Variants in UFM1 observed in about 807,000 individuals in gnomAD.
UFM1 encodes the protein ubiquitin-fold modifier 1.
In UFM1, 9 loss-of-function variants were observed where a neutral mutation model predicts 15.4. The ratio of observed to expected loss-of-function variants is 0.59; its 90% CI spans 0.35 to 1.02. The LOEUF (loss-of-function observed/expected upper bound fraction) is 1.02, where lower values mean the gene tolerates loss of function less well. Among genes scored for constraint, UFM1 ranks in the 50% least tolerant of loss-of-function variants. The pLI, the probability that UFM1 is intolerant of heterozygous loss-of-function variation, is 0.02. For synonymous variants in UFM1, 27 were observed against 36.3 expected, an observed-to-expected ratio of 0.74 and a Z score of 0.92; for missense variants, 98 against 104.7, an observed-to-expected ratio of 0.94 and a Z score of 0.28.
At chr13:38,353,555 T>C (rs925385628) in intron 2 of UFM1, among the ~76,000 whole-genome samples, 1 of 152,056 alleles carries the variant, frequency 6.6e-6, no homozygotes, top group Non-Finnish European at 1.5e-5. Context: ...AAAAATATAT[T>C]TATTCATGAT....
chr13:38,351,275 C>T (rs915611733), intron 2 of UFM1, among the ~76,000 whole-genome samples: 1 of 152,170 alleles, frequency 6.6e-6, no homozygotes, highest in East Asian at 1.9e-4. Flanking sequence ...AGCTGACTGC[C>T]CCTGGAGAAA....
intron 2 of UFM1, among the ~76,000 whole-genome samples, chr13:38,352,102 C>CTTTTTTT (rs35879418): frequency 1.2e-4 from 13 of 105,336 alleles, no homozygotes; most frequent in South Asian, 3.0e-4. Flanking sequence ...TTCTTTCTTT[C>CTTTTTTT]TTTTTTTTTT....
intron 5 of UFM1, among the ~76,000 whole-genome samples, chr13:38,360,468 G>A (rs1031375057): frequency 4.0e-5 from 6 of 151,836 alleles, no homozygotes; most frequent in African/African-American, 1.2e-4. Context: ...ACAGTTACTT[G>A]ATGAAAGTAT....
rs1323195671 is a variant in UFM1, at chr13:38,349,988, C to T, written c.3-11C>T. 9 of 1,614,000 alleles carry T rather than the reference C, an allele frequency of 5.6e-6. No individual in the cohort carries two copies. The highest frequency in any genetic ancestry group is 7.6e-6 in the Non-Finnish European group (9 of 1,179,908). On this transcript the variant is annotated splice_polypyrimidine_tract_variant and intron_variant, in intron 1 of 5. Coordinates refer to ENST00000239878, the MANE Select transcript of UFM1 (RefSeq NM_016617.4). Reference sequence around the variant, plus strand: ...TGCCCGACCCTGACTCTCTCCCGCTCTTTTCCTCAGGTCGAAGGTTTCCTT... The same window carrying T: ...TGCCCGACCCTGACTCTCTCCCGCTTTTTTCCTCAGGTCGAAGGTTTCCTT...
intron 4 of UFM1, among the ~76,000 whole-genome samples, chr13:38,358,522 G>C (rs17057900): frequency 0.011 from 1,654 of 151,534 alleles, 28 homozygotes; most frequent in African/African-American, 0.031. Flanking sequence ...TTGTAGGCTT[G>C]CAATAATGAG....
Position 38,349,987 on chromosome 13 carries a change from T to C in UFM1, c.3-12T>C, listed in dbSNP as rs771551080. On this transcript the variant is annotated splice_polypyrimidine_tract_variant and intron_variant, in intron 1 of 5. Transcript: ENST00000239878. ...CTGCCCGACCCTGACTCTCTCCCGCTCTTTTCCTCAGGTCGAAGGTTTCCT... is the reference window on the plus strand; with the variant it reads ...CTGCCCGACCCTGACTCTCTCCCGCCCTTTTCCTCAGGTCGAAGGTTTCCT... 3 of 1,614,094 alleles carry C rather than the reference T, an allele frequency of 1.9e-6. No homozygotes were observed. Among genetic ancestry groups the C allele is most frequent in the Middle Eastern group, 1.6e-4 (1 of 6,062 alleles).
At position 38,350,395 on chromosome 13, in the gene UFM1, C is replaced by T. The variant is rs190964856; in HGVS notation, c.59+340C>T. 3.0e-3 allele frequency among the ~76,000 whole-genome samples: 454 copies of T among 152,338 alleles called. 1 individual carries two copies. The highest frequency in any genetic ancestry group is 9.1e-3 in the South Asian group (44 of 4,826). ...TTTGTTGGGATTCTTAAACAGTCCC[C>T]ATCTGCTGGATATTAGAAAAGCGTT... On this transcript the variant is annotated intron_variant, in intron 2 of 5. Transcript: ENST00000239878.
At chr13:38,358,188 A>G in intron 4 of UFM1, 56 bp downstream of exon 4, 2 of 1,141,060 alleles carry the variant, frequency 1.8e-6, no homozygotes, top group Non-Finnish European at 1.2e-6. Context: ...ATGGTGTAAA[A>G]GGAACCAAAT....
chr13:38,362,650 A>G lies in UFM1; in HGVS notation c.*1872A>G, dbSNP rs145570032. 3.3e-5 allele frequency: 5 copies of G among 152,120 alleles called. No individual in the cohort carries two copies. The East Asian group carries it at 7.7e-4, about 24-fold the overall frequency. 9.4% of individuals were successfully genotyped at this position (152,120 alleles called of 1,614,324 possible). The stretch of plus-strand genomic sequence containing the variant: ...ATGTTCAGAGGCCCCGTTTCTTACA[A>G]TAAATGTTGAGTCTTAGTTAAGCAG... On this transcript the variant is annotated 3_prime_UTR_variant, in exon 6 of 6. Transcript: ENST00000239878.
Position 38,360,771 on chromosome 13 carries a change from G to A in UFM1, c.251G>A (p.Ser84Asn). 6.2e-7 allele frequency: 1 copy of A among 1,607,556 alleles called. No homozygotes were observed. The highest frequency in any genetic ancestry group is 1.1e-5 in the South Asian group (1 of 90,352). The change falls in exon 6 of 6, where the codon AGT becomes AAT. Residue 84 changes from serine to asparagine, a missense_variant. Coordinates refer to ENST00000239878, the MANE Select transcript of UFM1 (RefSeq NM_016617.4). ...LRIIPRDRVG[S>N]C is the part of the protein sequence containing the mutation. ...ATTATTCCTAGAGATCGTGTTGGAA[G>A]TTGTTAATATCTGCTACTTGGAACA...
At chr13:38,350,251 C>T in intron 2 of UFM1, 196 bp downstream of exon 2, 2 of 1,578,768 alleles carry the variant, frequency 1.3e-6, no homozygotes, top group Non-Finnish European at 8.6e-7. Flanking sequence ...CGCTAAGTGT[C>T]AGCTTGGCAG....
At position 38,362,430 on chromosome 13, in the gene UFM1, G is replaced by C. The variant is rs756351195; in HGVS notation, c.*1652G>C. The stretch of plus-strand genomic sequence containing the variant: ...AGTATTTGCTGAGGTGAAAAAATCT[G>C]ATGTTTGAGGAAGTTTTTATTTTTA... On this transcript the variant is annotated 3_prime_UTR_variant, in exon 6 of 6. Transcript: ENST00000239878. The C allele has an allele frequency of 6.6e-6, 1 of 150,936 alleles. No individual in the cohort carries two copies. Among genetic ancestry groups the C allele is most frequent in the Non-Finnish European group, 1.5e-5 (1 of 67,824 alleles). 9.3% of individuals were successfully genotyped at this position (150,936 alleles called of 1,614,324 possible). A position where few individuals can be genotyped will look rare whatever the true frequency, so the allele number is the denominator to read the frequency against.
At position 38,360,897 on chromosome 13, in the gene UFM1, G is replaced by A. The variant is rs1879346144; in HGVS notation, c.*119G>A. On this transcript the variant is annotated 3_prime_UTR_variant, in exon 6 of 6. Coordinates refer to ENST00000239878, the MANE Select transcript of UFM1 (RefSeq NM_016617.4). ...AAAACACCAGGAGTCAATGATTAAT[G>A]AAAGGTGACTCATCTGTCCCTTTTT... 1.3e-6 allele frequency: 1 copy of A among 771,246 alleles called. No individual in the cohort carries two copies. The highest frequency in any genetic ancestry group is 2.2e-6 in the Non-Finnish European group (1 of 463,840). 47.8% of individuals were successfully genotyped at this position (771,246 alleles called of 1,614,324 possible).
At chr13:38,350,083 T>A (rs914385696) in intron 2 of UFM1, 28 bp downstream of exon 2, 4 of 1,614,208 alleles carry the variant, frequency 2.5e-6, no homozygotes, top group Non-Finnish European at 3.4e-6. Flanking sequence ...GATGGGCCTT[T>A]TGGGGCCGGA....
chr13:38,361,022 G>A lies in UFM1; in HGVS notation c.*244G>A. Reference sequence around the variant, plus strand: ...TTGATGCTACCTCACAACACAAACAGGTAGTTCGTTGGGGGCAAATGAATT... The same window carrying A: ...TTGATGCTACCTCACAACACAAACAAGTAGTTCGTTGGGGGCAAATGAATT... On this transcript the variant is annotated 3_prime_UTR_variant, in exon 6 of 6. Coordinates refer to ENST00000239878, the MANE Select transcript of UFM1 (RefSeq NM_016617.4). 6.0e-6 allele frequency: 2 copies of A among 336,078 alleles called. No individual in the cohort carries two copies. Among genetic ancestry groups the A allele is most frequent in the Non-Finnish European group, 1.1e-5 (2 of 185,826 alleles). The allele number at this position is 336,078 out of a possible 1,614,324, so 20.8% of individuals were successfully genotyped here. A position where few individuals can be genotyped will look rare whatever the true frequency, so the allele number is the denominator to read the frequency against.
chr13:38,352,132 C>G (rs1351258761), intron 2 of UFM1, among the ~76,000 whole-genome samples: 1 of 118,332 alleles, frequency 8.5e-6, no homozygotes, highest in Non-Finnish European at 1.6e-5. Context: ...GAAACAAAGT[C>G]TCGCTCTGTT....
chr13:38,358,126 A>G lies in UFM1; in HGVS notation c.151A>G (p.Thr51Ala). 2 of 1,455,334 alleles carry G rather than the reference A, an allele frequency of 1.4e-6. No homozygotes were observed. The highest frequency in any genetic ancestry group is 2.5e-5 in the East Asian group (1 of 39,918). The allele number at this position is 1,455,334 out of a possible 1,614,324, so 90.2% of individuals were successfully genotyped here. A position where few individuals can be genotyped will look rare whatever the true frequency, so the allele number is the denominator to read the frequency against. ...TCCTGCTGCAACAAGTGCAATTATTACCAATGGTAAGAATTCACTATAAAA... is the reference window on the plus strand; with the variant it reads ...TCCTGCTGCAACAAGTGCAATTATTGCCAATGGTAAGAATTCACTATAAAA... ...KVPAATSAII[T>A]NDGIGINPAQ... The change falls in exon 4 of 6, where the codon ACC (threonine) becomes GCC (alanine). Residue 51 changes from threonine to alanine, a missense_variant. Transcript: ENST00000239878.
intron 3 of UFM1, among the ~76,000 whole-genome samples, chr13:38,357,401 A>T (rs1191913996): frequency 6.6e-6 from 1 of 151,980 alleles, no homozygotes; most frequent in East Asian, 1.9e-4. Context: ...GTAAACATTG[A>T]TCTGGGCATA....
chr13:38,360,926 G>T lies in UFM1; in HGVS notation c.*148G>T. ...GGTGACTCATCTGTCCCTTTTTGTT[G>T]TCCATACTCTTCCTATGAAGAGGGA... On this transcript the variant is annotated 3_prime_UTR_variant, in exon 6 of 6. Coordinates refer to ENST00000239878, the MANE Select transcript of UFM1 (RefSeq NM_016617.4). 1.7e-6 allele frequency: 1 copy of T among 602,126 alleles called. No individual in the cohort carries two copies. 37.3% of individuals were successfully genotyped at this position (602,126 alleles called of 1,614,324 possible). A position where few individuals can be genotyped will look rare whatever the true frequency, so the allele number is the denominator to read the frequency against.
Sources: allele counts gnomAD v4.1 joint callset (sites outside exome capture counted in the v4.1 genomes callset), GRCh38; gene constraint gnomAD v4.1.1; transcripts MANE v1.5; gene names NCBI Gene and HGNC (gene_info 2026-07-23, HGNC 2026-07-21).